RBFOX1: variants seen among roughly 807,000 people sequenced by gnomAD.
RBFOX1 encodes RNA binding protein fox-1 homolog 1.
RBFOX1 carries 8 observed loss-of-function variants against 57.7 expected under a neutral mutation model. That is an observed-to-expected ratio of 0.14 (90% CI 0.08 to 0.25). The LOEUF (loss-of-function observed/expected upper bound fraction) is 0.25, where lower values mean the gene tolerates loss of function less well. Among genes scored for constraint, RBFOX1 ranks in the 10% least tolerant of loss-of-function variants. The pLI is 1.00. For missense variants in RBFOX1, 611 were observed against 548.5 expected, an observed-to-expected ratio of 1.11 and a Z score of -1.14; for synonymous variants, 326 against 222.4, an observed-to-expected ratio of 1.47 and a Z score of -4.15.
At chr16:6,826,146 T>C (rs2092106531) in intron 3 of RBFOX1, among the ~76,000 whole-genome samples, 1 of 152,240 alleles carries the variant, frequency 6.6e-6, no homozygotes, top group African/African-American at 2.4e-5. Context: ...TACCCCAGTT[T>C]TCTCATCTGG....
chr16:6,250,450 G>T (rs62015142), intron 1 of RBFOX1, among the ~76,000 whole-genome samples: 18,148 of 152,132 alleles, frequency 0.12, 1,204 homozygotes, highest in Middle Eastern at 0.28. Context: ...CAAAGAAAAT[G>T]AGCAATGCTA....
At chr16:5,381,305 C>T (rs796232859) in intron 1 of RBFOX1, among the ~76,000 whole-genome samples, 4 of 152,324 alleles carry the variant, frequency 2.6e-5, no homozygotes, top group Admixed American at 6.5e-5. Flanking sequence ...GCAAATCTCT[C>T]CGTAAGCTAC....
At chr16:6,311,729 G>A (rs911660530) in intron 1 of RBFOX1, among the ~76,000 whole-genome samples, 1 of 152,198 alleles carries the variant, frequency 6.6e-6, no homozygotes, top group Non-Finnish European at 1.5e-5. Flanking sequence ...AGTGGTTACT[G>A]CTAAGCAGCT....
At chr16:7,011,522 T>C (rs1340870341) in intron 3 of RBFOX1, among the ~76,000 whole-genome samples, 1 of 145,520 alleles carries the variant, frequency 6.9e-6, no homozygotes, top group African/African-American at 2.8e-5. Context: ...TTTTGTTTTG[T>C]TTGTTTTTTG....
At chr16:5,646,925 G>T (rs144968907) in intron 3 of RBFOX1, among the ~76,000 whole-genome samples, 2 of 152,172 alleles carry the variant, frequency 1.3e-5, no homozygotes, top group African/African-American at 2.4e-5. Flanking sequence ...GAGCCACCAC[G>T]CCCAGCCAGG....
chr16:7,404,838 C>T (rs1398219200), intron 4 of RBFOX1, among the ~76,000 whole-genome samples: 2 of 152,164 alleles, frequency 1.3e-5, no homozygotes, highest in Admixed American at 6.5e-5. Context: ...GATGTGGGCT[C>T]TCCTGGAATG....
chr16:5,475,612 G>A (rs375757941), intron 2 of RBFOX1, among the ~76,000 whole-genome samples: 93 of 152,306 alleles, frequency 6.1e-4, no homozygotes, highest in Middle Eastern at 6.8e-3. Flanking sequence ...ATATTTAGCA[G>A]GTGCTGTGCT....
At chr16:6,408,766 C>T (rs1269290966) in intron 2 of RBFOX1, among the ~76,000 whole-genome samples, 1 of 152,128 alleles carries the variant, frequency 6.6e-6, no homozygotes, top group African/African-American at 2.4e-5. Context: ...AACAACAAGT[C>T]AGGTGACCTC....
rs553105384 is a variant in RBFOX1, at chr16:7,349,225, T to C, written c.28-168922T>C. On this transcript the variant is annotated intron_variant, in intron 4 of 15. Transcript: ENST00000550418. Reference sequence around the variant, plus strand: ...TCAGGCGGCTCAAGAGATCAAGATATCTTCCTGGCAGCCTTCTATCACAAG... The same window carrying C: ...TCAGGCGGCTCAAGAGATCAAGATACCTTCCTGGCAGCCTTCTATCACAAG... Among the ~76,000 whole-genome samples, 11 of 152,262 alleles carry C rather than the reference T, an allele frequency of 7.2e-5. 1 individual carries two copies. Among genetic ancestry groups the C allele is most frequent in the African/African-American group, 2.2e-4 (9 of 41,552 alleles).
At chr16:7,664,293 A>C (rs1370871902) in intron 12 of RBFOX1, among the ~76,000 whole-genome samples, 1 of 152,214 alleles carries the variant, frequency 6.6e-6, no homozygotes, top group African/African-American at 2.4e-5. Context: ...TCTGCACAGA[A>C]AACACATTCT....
At chr16:6,677,944 C>T (rs969175372) in intron 3 of RBFOX1, among the ~76,000 whole-genome samples, 2 of 152,156 alleles carry the variant, frequency 1.3e-5, no homozygotes, top group African/African-American at 4.8e-5. Context: ...TAAAGAACAT[C>T]TAACCTAGTA....
chr16:7,517,882 G>T (rs1006461088), intron 4 of RBFOX1, among the ~76,000 whole-genome samples: 2 of 151,616 alleles, frequency 1.3e-5, no homozygotes, highest in Non-Finnish European at 2.9e-5. Flanking sequence ...TGAATATTAG[G>T]CTGGGTGGCT....
At position 6,700,156 on chromosome 16, in the gene RBFOX1, T is replaced by A. The variant is rs551300783; in HGVS notation, c.-16+45506T>A. ...CATTCCCCTAAGGTGATGTATTTGA[T>A]CATCAGAGCCAGAGTCGGGGGACTT... On this transcript the variant is annotated intron_variant, in intron 3 of 15. Coordinates refer to ENST00000550418, the MANE Select transcript of RBFOX1 (RefSeq NM_018723.4). Among the ~76,000 whole-genome samples, 4 of 151,672 alleles carry A rather than the reference T, an allele frequency of 2.6e-5. No homozygotes were observed. In the South Asian group the frequency reaches 8.3e-4, roughly 31 times the overall value.
rs148087724 is a variant in RBFOX1 at position 7,031,640 on chromosome 16, G to C, written c.-15-20417G>C. On this transcript the variant is annotated intron_variant, in intron 3 of 15. Coordinates refer to ENST00000550418, the MANE Select transcript of RBFOX1 (RefSeq NM_018723.4). ...AAAAGAAAAGAAAGGCAATGTCAACGACATCGGGCAGATGTGATGAATAAT... is the reference window on the plus strand; with the variant it reads ...AAAAGAAAAGAAAGGCAATGTCAACCACATCGGGCAGATGTGATGAATAAT... Among the ~76,000 whole-genome samples, 89 of 152,110 alleles carry C rather than the reference G, an allele frequency of 5.9e-4. 1 individual carries two copies. In the East Asian group the frequency reaches 0.016, roughly 27 times the overall value.
chr16:6,922,383 G>A (rs1376426273), intron 3 of RBFOX1, among the ~76,000 whole-genome samples: 3 of 152,198 alleles, frequency 2.0e-5, no homozygotes, highest in Admixed American at 6.5e-5. Context: ...AAGAACATCT[G>A]CCACCCGGCA....
At chr16:6,812,162 G>C (rs62016144) in intron 3 of RBFOX1, among the ~76,000 whole-genome samples, 35,206 of 152,070 alleles carry the variant, frequency 0.23, 4,426 homozygotes, top group Non-Finnish European at 0.28. Flanking sequence ...TGATTTTCAA[G>C]TAAAGGCCCC....
At chr16:6,571,145 G>C (rs1327989310) in intron 2 of RBFOX1, among the ~76,000 whole-genome samples, 1 of 152,144 alleles carries the variant, frequency 6.6e-6, no homozygotes, top group Non-Finnish European at 1.5e-5. Flanking sequence ...ATCATTTCAG[G>C]CATATAGCCC....
At chr16:7,616,101 T>A (rs905360889) in intron 10 of RBFOX1, among the ~76,000 whole-genome samples, 2 of 152,242 alleles carry the variant, frequency 1.3e-5, no homozygotes, top group Admixed American at 1.3e-4. Flanking sequence ...CACACAGCTG[T>A]GTTGGGAGTC....
chr16:7,369,179 T>G (rs1460211757), intron 4 of RBFOX1, among the ~76,000 whole-genome samples: 1 of 151,992 alleles, frequency 6.6e-6, no homozygotes, highest in East Asian at 1.9e-4. Context: ...TATAGGAGAT[T>G]GACTCCAAGT....
Sources: allele counts gnomAD v4.1 joint callset (sites outside exome capture counted in the v4.1 genomes callset), GRCh38; gene constraint gnomAD v4.1.1; transcripts MANE v1.5; gene names NCBI Gene and HGNC (gene_info 2026-07-23, HGNC 2026-07-21).